Variants in NEBL observed in about 807,000 individuals in gnomAD.
NEBL encodes the protein LIM and SH3 protein 2.
Under a neutral mutation model 140.2 loss-of-function variants are expected in NEBL, and 122 were observed. The ratio of observed to expected loss-of-function variants is 0.87; its 90% CI spans 0.75 to 1.01. The LOEUF (loss-of-function observed/expected upper bound fraction) is 1.01. NEBL is among the 50% of genes least tolerant of loss of function. NEBL has a pLI of 0.00. For synonymous variants in NEBL, 436 were observed against 398.9 expected (o/e 1.09, Z -1.11); for missense variants, 1,365 against 1,231.3 (o/e 1.11, Z -1.62).
intron 2 of NEBL, among the ~76,000 whole-genome samples, chr10:21,048,146 C>T (rs1331015337): frequency 1.3e-5 from 2 of 152,224 alleles, no homozygotes; most frequent in Non-Finnish European, 2.9e-5. Context: ...CTCCCAGCAT[C>T]CCTTGTCATT....
chr10:21,137,159 C>T (rs1294766977), intron 2 of NEBL, among the ~76,000 whole-genome samples: 1 of 152,142 alleles, frequency 6.6e-6, no homozygotes, highest in Non-Finnish European at 1.5e-5. Flanking sequence ...CCATGTGACT[C>T]TGGACAATGA....
At chr10:20,881,524 A>G (rs141603509) in intron 4 of NEBL, among the ~76,000 whole-genome samples, 37 of 152,368 alleles carry the variant, frequency 2.4e-4, no homozygotes, top group African/African-American at 7.7e-4. Context: ...AGATGTAACC[A>G]AACTCAACCA....
chr10:20,890,023 A>C (rs1846897664), intron 2 of NEBL, 74 bp from the exon 3 acceptor site: 1 of 959,402 alleles, frequency 1.0e-6, no homozygotes. Flanking sequence ...AATGATAATT[A>C]GGTTGATAAA....
At chr10:21,182,454 C>G (rs764102092) in intron 3 of NEBL, among the ~76,000 whole-genome samples, 1 of 152,060 alleles carries the variant, frequency 6.6e-6, no homozygotes, top group African/African-American at 2.4e-5. Flanking sequence ...CCAGCCTGGA[C>G]AACAGAAACA....
At chr10:21,122,594 C>G (rs1360394593) in intron 2 of NEBL, among the ~76,000 whole-genome samples, 1 of 152,018 alleles carries the variant, frequency 6.6e-6, no homozygotes, top group Non-Finnish European at 1.5e-5. Flanking sequence ...TGATTTTGAG[C>G]CTGGGTGATT....
chr10:21,029,968 T>G, intron 2 of NEBL: 1 of 492,566 alleles, frequency 2.0e-6, no homozygotes, highest in Non-Finnish European at 3.8e-6. Context: ...TGATTATAGG[T>G]ATAATGATAG....
At chr10:20,943,866 A>G (rs1027120503) in intron 4 of NEBL, among the ~76,000 whole-genome samples, 4 of 152,198 alleles carry the variant, frequency 2.6e-5, no homozygotes, top group African/African-American at 4.8e-5. Context: ...AAACATGGTA[A>G]TTCCAGACAG....
chr10:20,787,957 A>C (rs1835570980), intron 26 of NEBL, among the ~76,000 whole-genome samples: 1 of 152,224 alleles, frequency 6.6e-6, no homozygotes, highest in South Asian at 2.1e-4. Context: ...AAGCCTGAGA[A>C]ACCAAATCCT....
chr10:20,795,615 C>T (rs138475178), intron 26 of NEBL, among the ~76,000 whole-genome samples: 20 of 151,944 alleles, frequency 1.3e-4, no homozygotes, highest in African/African-American at 4.1e-4. Context: ...TTGCCAATAC[C>T]AACCTATTTT....
chr10:21,252,444 G>A (rs1317565269), intron 1 of NEBL, among the ~76,000 whole-genome samples: 1 of 152,156 alleles, frequency 6.6e-6, no homozygotes. Context: ...CAGGAAAGCA[G>A]GGAAAAAGCA....
chr10:21,181,463 C>T (rs1841386576), intron 3 of NEBL, among the ~76,000 whole-genome samples: 1 of 151,962 alleles, frequency 6.6e-6, no homozygotes, highest in Non-Finnish European at 1.5e-5. Flanking sequence ...GATCATTTTC[C>T]CCATATGCAG....
At chr10:21,013,804 G>T (rs1197433101) in intron 3 of NEBL, among the ~76,000 whole-genome samples, 2 of 152,166 alleles carry the variant, frequency 1.3e-5, no homozygotes, top group African/African-American at 4.8e-5. Context: ...CTGGAACCTG[G>T]GAGGCGGAGA....
At chr10:21,156,514 T>C (rs1840343027) in intron 2 of NEBL, among the ~76,000 whole-genome samples, 3 of 152,036 alleles carry the variant, frequency 2.0e-5, no homozygotes, top group Admixed American at 6.6e-5. Flanking sequence ...CCTGGGAGAA[T>C]AGGCTAACCA....
At chr10:21,064,203 T>C (rs1835430158) in intron 2 of NEBL, among the ~76,000 whole-genome samples, 1 of 143,444 alleles carries the variant, frequency 7.0e-6, no homozygotes, top group Admixed American at 7.1e-5. Flanking sequence ...CATACTTAAA[T>C]ATAGAGTTAA....
chr10:20,981,528 G>T (rs1368463898), intron 3 of NEBL, among the ~76,000 whole-genome samples: 2 of 152,048 alleles, frequency 1.3e-5, no homozygotes, highest in African/African-American at 4.8e-5. Context: ...CCCTTCTTTG[G>T]GTAACAGCAC....
chr10:21,197,796 T>C (rs1841674264), intron 3 of NEBL, among the ~76,000 whole-genome samples: 1 of 152,242 alleles, frequency 6.6e-6, no homozygotes, highest in South Asian at 2.1e-4. Flanking sequence ...GTGAAACTAC[T>C]GATGTCGGCT....
intron 2 of NEBL, among the ~76,000 whole-genome samples, chr10:21,097,373 C>A (rs1837242056): frequency 6.6e-6 from 1 of 152,048 alleles, no homozygotes; most frequent in African/African-American, 2.4e-5. Flanking sequence ...GCAGGAGAAT[C>A]ACTTGAACCC....
chr10:21,133,726 CTA>C (rs2132076292), intron 2 of NEBL, among the ~76,000 whole-genome samples: 1 of 152,180 alleles, frequency 6.6e-6, no homozygotes, highest in African/African-American at 2.4e-5. Flanking sequence ...CCAAGGAAAC[CTA>C]TGTCTCAAAA....
chr10:21,017,995 A>AT (rs1838626198), intron 3 of NEBL, among the ~76,000 whole-genome samples: 1 of 151,526 alleles, frequency 6.6e-6, no homozygotes, highest in Admixed American at 6.6e-5. Flanking sequence ...TAATTTTTGT[A>AT]TTTTTTTGTA....
Sources: allele counts gnomAD v4.1 joint callset (sites outside exome capture counted in the v4.1 genomes callset), GRCh38; gene constraint gnomAD v4.1.1; transcripts MANE v1.5; gene names NCBI Gene and HGNC (gene_info 2026-07-23, HGNC 2026-07-21).